MYT1L: variants seen among roughly 807,000 people sequenced by gnomAD.
MYT1L encodes myelin transcription factor 1-like protein.
MYT1L carries 12 observed loss-of-function variants against 126.7 expected under a neutral mutation model. The ratio of observed to expected loss-of-function variants is 0.09; its 90% CI spans 0.06 to 0.15. MYT1L has a LOEUF of 0.15. Ranked by LOEUF, MYT1L falls within the 10% of genes least tolerant of loss-of-function variation. MYT1L has a pLI of 1.00. For missense variants in MYT1L, 979 were observed against 1,585.2 expected (o/e 0.62, Z 6.49); for synonymous variants, 541 against 604.2 (o/e 0.90, Z 1.53).
At chr2:2,199,197 G>A (rs2092951845) in intron 2 of MYT1L, among the ~76,000 whole-genome samples, 1 of 152,178 alleles carries the variant, frequency 6.6e-6, no homozygotes, top group Admixed American at 6.5e-5. Flanking sequence ...AGTAAAGTGT[G>A]GGACTGCTTC....
At chr2:2,097,195 G>A (rs17338547) in intron 3 of MYT1L, among the ~76,000 whole-genome samples, 5,597 of 152,188 alleles carry the variant, frequency 0.037, 134 homozygotes, top group Non-Finnish European at 0.044. Flanking sequence ...TGACCGAGGC[G>A]CTGCAGCAGG....
At chr2:1,899,484 C>T (rs2050059560) in intron 14 of MYT1L, among the ~76,000 whole-genome samples, 1 of 152,220 alleles carries the variant, frequency 6.6e-6, no homozygotes, top group African/African-American at 2.4e-5. Context: ...CCCAGACACC[C>T]AAGTGGATGC....
chr2:1,833,216 C>T (rs985447657), intron 21 of MYT1L, among the ~76,000 whole-genome samples: 8 of 152,144 alleles, frequency 5.3e-5, no homozygotes, highest in African/African-American at 1.2e-4. Context: ...CCCCAGTGCC[C>T]GCATCCGAGG....
intron 3 of MYT1L, among the ~76,000 whole-genome samples, chr2:2,076,205 A>G (rs1413664895): frequency 6.6e-6 from 1 of 151,774 alleles, no homozygotes; most frequent in Admixed American, 6.6e-5. Flanking sequence ...ACTTTGGAAA[A>G]CTCTCTCACA....
intron 8 of MYT1L, among the ~76,000 whole-genome samples, chr2:1,976,405 G>A (rs11889403): frequency 0.017 from 2,570 of 152,338 alleles, 66 homozygotes; most frequent in African/African-American, 0.057. Context: ...ACTTTGGGAG[G>A]CCGAGGCGGG....
chr2:2,053,022 G>A (rs760237881), intron 4 of MYT1L, among the ~76,000 whole-genome samples: 22 of 152,240 alleles, frequency 1.4e-4, no homozygotes, highest in Non-Finnish European at 2.8e-4. Flanking sequence ...GTAGCTGAAA[G>A]GTGGAGGCAG....
chr2:2,146,879 C>T (rs1219701893), intron 3 of MYT1L, among the ~76,000 whole-genome samples: 1 of 152,146 alleles, frequency 6.6e-6, no homozygotes, highest in Non-Finnish European at 1.5e-5. Context: ...CTTGAACATC[C>T]TTCACAGCCA....
At chr2:2,086,777 A>G (rs2076393768) in intron 3 of MYT1L, among the ~76,000 whole-genome samples, 1 of 152,094 alleles carries the variant, frequency 6.6e-6, no homozygotes, top group South Asian at 2.1e-4. Flanking sequence ...CCCCTTAGGA[A>G]GATTCTCTCC....
intron 4 of MYT1L, among the ~76,000 whole-genome samples, chr2:2,016,299 T>A (rs2064381339): frequency 1.3e-5 from 2 of 152,080 alleles, no homozygotes; most frequent in Admixed American, 1.3e-4. Flanking sequence ...AGCAAGAAGA[T>A]GGAGAGGGTC....
At position 1,923,064 on chromosome 2, in the gene MYT1L, G is replaced by A. The variant is rs773102100; in HGVS notation, c.705C>T (p.Asp235=). The change falls in exon 10 of 25, where the codon GAC becomes GAT. Residue 235 remains aspartate, a synonymous_variant. Coordinates refer to ENST00000647738, the MANE Select transcript of MYT1L (RefSeq NM_001303052.2). ...CCAGGTTTTCGTTTTTGTCACTATC[G>A]TCTTCCAGACTATTGGAGGTATTGC... The part of the protein sequence containing the change: ...MNSNTSNSLE[D]DSDKNENLGR... 4.0e-5 allele frequency: 65 copies of A among 1,613,916 alleles called. No individual in the cohort carries two copies. Among genetic ancestry groups the A allele is most frequent in the South Asian group, 1.9e-4 (17 of 91,074 alleles).
chr2:2,004,406 C>T (rs1451651918), intron 4 of MYT1L, among the ~76,000 whole-genome samples: 1 of 149,754 alleles, frequency 6.7e-6, no homozygotes, highest in Non-Finnish European at 1.5e-5. Flanking sequence ...TGCATGCGTT[C>T]TTTCCTGCAT....
chr2:2,319,875 T>C (rs1163646087), intron 1 of MYT1L, among the ~76,000 whole-genome samples: 1 of 152,012 alleles, frequency 6.6e-6, no homozygotes, highest in African/African-American at 2.4e-5. Context: ...ACATAGTAGG[T>C]ACTCAATATA....
chr2:2,281,561 A>C (rs1020132707), intron 2 of MYT1L, among the ~76,000 whole-genome samples: 3 of 152,214 alleles, frequency 2.0e-5, no homozygotes, highest in Non-Finnish European at 2.9e-5. Context: ...TGCTTTATAG[A>C]GATTTAGCAG....
intron 2 of MYT1L, among the ~76,000 whole-genome samples, chr2:2,252,621 G>A (rs2094683688): frequency 6.6e-6 from 1 of 152,180 alleles, no homozygotes; most frequent in Non-Finnish European, 1.5e-5. Flanking sequence ...TGTGTTGCTG[G>A]TAGATGGGCG....
intron 18 of MYT1L, among the ~76,000 whole-genome samples, chr2:1,867,798 T>A (rs901578965): frequency 6.6e-6 from 1 of 152,212 alleles, no homozygotes; most frequent in Admixed American, 6.5e-5. Context: ...TGTTCACACA[T>A]TACCTTCATT....
chr2:2,076,131 A>G (rs955822075), intron 3 of MYT1L, among the ~76,000 whole-genome samples: 1 of 152,218 alleles, frequency 6.6e-6, no homozygotes, highest in African/African-American at 2.4e-5. Flanking sequence ...TTCAGCTGGG[A>G]CAAACAGAAG....
intron 1 of MYT1L, among the ~76,000 whole-genome samples, chr2:2,330,594 G>T (rs1391720948): frequency 6.6e-6 from 1 of 152,010 alleles, no homozygotes; most frequent in African/African-American, 2.4e-5. Flanking sequence ...CATTTTAATT[G>T]CCTTTGCATA....
intron 2 of MYT1L, among the ~76,000 whole-genome samples, chr2:2,220,006 G>A (rs920212162): frequency 1.3e-5 from 2 of 152,162 alleles, no homozygotes; most frequent in African/African-American, 4.8e-5. Flanking sequence ...CAGTCAAGAA[G>A]GGACACAGGA....
At chr2:2,104,556 C>T (rs1029683432) in intron 3 of MYT1L, among the ~76,000 whole-genome samples, 1 of 152,204 alleles carries the variant, frequency 6.6e-6, no homozygotes, top group Non-Finnish European at 1.5e-5. Context: ...CTGGCAACAG[C>T]GGCTCCAAGG....
Sources: gnomAD v4.1 joint callset for allele counts (sites outside exome capture counted in the v4.1 genomes callset) on GRCh38, gnomAD v4.1.1 for gene constraint, MANE v1.5 for transcripts, NCBI Gene and HGNC (gene_info 2026-07-23, HGNC 2026-07-21) for gene names.